TXLNG: variants seen among roughly 807,000 people sequenced by gnomAD.
The protein encoded by TXLNG is gamma-taxilin.
In TXLNG, 5 loss-of-function variants were observed where a neutral mutation model predicts 38.8. The observed-to-expected ratio is 0.13, with a 90% CI of 0.07 to 0.27. The LOEUF is 0.27. Among genes scored for constraint, TXLNG ranks in the 10% least tolerant of loss-of-function variants. The pLI, the probability that TXLNG is intolerant of heterozygous loss-of-function variation, is 1.00. For synonymous variants in TXLNG, 182 were observed against 158.2 expected (o/e 1.15, Z -1.13); for missense variants, 393 against 398.2 (o/e 0.99, Z 0.11).
chrX:16,836,065 C>G (rs1363283420), intron 7 of TXLNG, among the ~76,000 whole-genome samples: 1 of 112,273 alleles, frequency 8.9e-6, no homozygotes, highest in African/African-American at 3.2e-5. Flanking sequence ...TGAGACCAGC[C>G]TGAGCAACAT....
At chrX:16,839,222 G>GT (rs1426341334) in intron 8 of TXLNG, 2 of 111,935 alleles carry the variant, frequency 1.8e-5, no homozygotes, top group Non-Finnish European at 3.8e-5. Context: ...CTCACGAATT[G>GT]TGAGGATGAC....
chrX:16,824,824 G>GAAGGAGTTC (rs1929111903), intron 3 of TXLNG, among the ~76,000 whole-genome samples: 1 of 109,887 alleles, frequency 9.1e-6, no homozygotes, highest in Non-Finnish European at 1.9e-5. Flanking sequence ...TACTCAGGAG[G>GAAGGAGTTC]TTGAGGCAGG....
chrX:16,823,061 T>C (rs1602387201), intron 3 of TXLNG, among the ~76,000 whole-genome samples: 1 of 112,077 alleles, frequency 8.9e-6, no homozygotes, highest in South Asian at 3.7e-4. Flanking sequence ...AAGACTTGCC[T>C]AGTGAGTAAT....
intron 3 of TXLNG, among the ~76,000 whole-genome samples, chrX:16,822,233 C>T (rs906623053): frequency 2.8e-5 from 3 of 107,451 alleles, no homozygotes; most frequent in Non-Finnish European, 3.8e-5. Flanking sequence ...CCCAGCTACT[C>T]GGGAGGCTGA....
chrX:16,797,012 G>A (rs1412902051), intron 1 of TXLNG, among the ~76,000 whole-genome samples: 3 of 111,295 alleles, frequency 2.7e-5, no homozygotes, highest in Admixed American at 9.6e-5. Flanking sequence ...GGCTGGGCGC[G>A]GTGGCTCATG....
In TXLNG at chrX:16,818,613, C is replaced by G. The variant is rs772226003; in HGVS notation, c.142C>G (p.Leu48Val). The change falls in exon 2 of 10, where the codon CTA becomes GTA. Residue 48 changes from leucine to valine, a missense_variant. Transcript: ENST00000380122. The stretch of plus-strand genomic sequence containing the variant: ...AATGGAAGAAGCTGGAATTTGTGGG[C>G]TAGGGGTGAAAGCAGATATGTTGTG... ...GTMEEAGICG[L>V]GVKADMLCNS... 1 of 1,208,953 alleles carries G rather than the reference C, an allele frequency of 8.3e-7. No individual in the cohort carries two copies. The highest frequency in any genetic ancestry group is 1.7e-5 in the African/African-American group (1 of 57,210).
At chrX:16,809,889 C>T (rs993094822) in intron 1 of TXLNG, among the ~76,000 whole-genome samples, 1 of 111,784 alleles carries the variant, frequency 8.9e-6, no homozygotes, top group Non-Finnish European at 1.9e-5. Flanking sequence ...CATCTCTTCC[C>T]ATTATTAAAT....
At chrX:16,817,287 C>A in intron 1 of TXLNG, among the ~76,000 whole-genome samples, 1 of 112,341 alleles carries the variant, frequency 8.9e-6, no homozygotes, top group East Asian at 2.8e-4. Context: ...GTAGAGTTAA[C>A]TGGGTTAGAA....
chrX:16,819,470 A>G (rs1377048800), intron 2 of TXLNG, among the ~76,000 whole-genome samples: 1 of 111,153 alleles, frequency 9.0e-6, no homozygotes, highest in Non-Finnish European at 1.9e-5. Context: ...AACATTAAAA[A>G]AATAAAAATG....
rs10668899 is a variant in TXLNG, at chrX:16,788,667, G to GTTTTTTTT, written c.102+2089_102+2096dup. Reference sequence around the variant, plus strand: ...TTAAAAAAACAAACAAACTTGTTGTGTTTTTTTTTTTTTTTTTTGAGTCAG... The same window carrying GTTTTTTTT: ...TTAAAAAAACAAACAAACTTGTTGTGTTTTTTTTTTTTTTTTTTTTTTTTTTGAGTCAG... On this transcript the variant is annotated intron_variant, in intron 1 of 9. Coordinates refer to ENST00000380122, the MANE Select transcript of TXLNG (RefSeq NM_018360.3). 1.0e-4 allele frequency among the ~76,000 whole-genome samples: 8 copies of GTTTTTTTT among 80,323 alleles called. 1 individual carries two copies. Among genetic ancestry groups the GTTTTTTTT allele is most frequent in the African/African-American group, 1.4e-4 (3 of 21,101 alleles). 69.8% of individuals were successfully genotyped at this position (80,323 alleles called of 115,157 possible).
intron 1 of TXLNG, among the ~76,000 whole-genome samples, chrX:16,806,552 C>T (rs952103196): frequency 8.9e-6 from 1 of 111,983 alleles, no homozygotes; most frequent in Non-Finnish European, 1.9e-5. Flanking sequence ...GAGGCTGAGG[C>T]GGGCAGATCA....
chrX:16,787,172 G>A (rs1279930095), intron 1 of TXLNG, among the ~76,000 whole-genome samples: 2 of 112,357 alleles, frequency 1.8e-5, no homozygotes, highest in Non-Finnish European at 3.8e-5. Flanking sequence ...GCGCGGGCGG[G>A]CAGGCGAGCG....
At chrX:16,795,066 A>G (rs890838144) in intron 1 of TXLNG, among the ~76,000 whole-genome samples, 1 of 110,585 alleles carries the variant, frequency 9.0e-6, no homozygotes, top group Non-Finnish European at 1.9e-5. Flanking sequence ...TCACGAGGTC[A>G]GGAGATCGAG....
chrX:16,832,915 GGT>G lies in TXLNG; in HGVS notation c.984+184_984+185del, dbSNP rs766725530. 1.3e-3 allele frequency among the ~76,000 whole-genome samples: 144 copies of G among 111,714 alleles called. 1 individual carries two copies. The highest frequency in any genetic ancestry group is 4.4e-3 in the African/African-American group (134 of 30,744). On this transcript the variant is annotated intron_variant, in intron 6 of 9. Coordinates refer to ENST00000380122, the MANE Select transcript of TXLNG (RefSeq NM_018360.3). ...GCTGTAGATTGAGAAGAGAGTATGT[GGT>G]GTGTGTGTGTTAGAAAGCATTTGGC...
rs1305780329 is a variant in TXLNG at position 16,828,199 on chromosome X, A to G, written c.604A>G (p.Ile202Val). 2 of 1,211,358 alleles carry G rather than the reference A, an allele frequency of 1.7e-6. No individual in the cohort carries two copies. Among genetic ancestry groups the G allele is most frequent in the Non-Finnish European group, 2.2e-6 (2 of 895,154 alleles). Reference protein sequence around the residue: ...VHLQSEHSKAILARSKLESLC... With the variant: ...VHLQSEHSKAVLARSKLESLC... ...CTTGCAGAGTGAACATAGCAAGGCT[A>G]TCTTGGCAAGAAGCAAGCTAGAATC... The change falls in exon 4 of 10, where the codon ATC becomes GTC. Residue 202 changes from isoleucine (I) to valine (V), a missense_variant. Ile to Val is a conservative substitution (Grantham distance 29). Transcript: ENST00000380122.
chrX:16,791,418 A>G (rs1368202222), intron 1 of TXLNG, among the ~76,000 whole-genome samples: 1 of 112,017 alleles, frequency 8.9e-6, no homozygotes. Flanking sequence ...TTCTAATTGT[A>G]TCACCAAGCT....
In TXLNG at chrX:16,843,513, A is replaced by G. The variant is rs1157104229; in HGVS notation, c.*1747A>G. ...GGAGTACACCCTGTTCTGCTACTAAAATACTAGACTCATTTCCCTGGTGGT... is the reference window on the plus strand; with the variant it reads ...GGAGTACACCCTGTTCTGCTACTAAGATACTAGACTCATTTCCCTGGTGGT... On this transcript the variant is annotated 3_prime_UTR_variant, in exon 10 of 10. Transcript: ENST00000380122. 1 of 112,337 alleles carries G rather than the reference A, an allele frequency of 8.9e-6. No homozygotes were observed. The highest frequency in any genetic ancestry group is 2.8e-4 in the East Asian group (1 of 3,584). The allele number at this position is 112,337 out of a possible 1,213,427, so 9.3% of individuals were successfully genotyped here.
intron 1 of TXLNG, among the ~76,000 whole-genome samples, chrX:16,793,218 C>T (rs1194478850): frequency 9.0e-6 from 1 of 111,142 alleles, no homozygotes; most frequent in African/African-American, 3.3e-5. Context: ...TCCATTAAGA[C>T]CCTGGGAGTA....
chrX:16,838,784 A>G (rs1929692755), intron 8 of TXLNG, among the ~76,000 whole-genome samples: 1 of 111,808 alleles, frequency 8.9e-6, no homozygotes, highest in Non-Finnish European at 1.9e-5. Context: ...GTTGAGGTGG[A>G]ACAGAGAGTT....
Sources: gnomAD v4.1 joint callset for allele counts (sites outside exome capture counted in the v4.1 genomes callset) on GRCh38, gnomAD v4.1.1 for gene constraint, MANE v1.5 for transcripts, NCBI Gene and HGNC (gene_info 2026-07-23, HGNC 2026-07-21) for gene names.